RADIL: variants seen among roughly 807,000 people sequenced by gnomAD.
RADIL encodes ras-associating and dilute domain-containing protein.
RADIL carries 99 observed loss-of-function variants against 97.6 expected under a neutral mutation model. The ratio of observed to expected loss-of-function variants is 1.01; its 90% CI spans 0.86 to 1.20. The LOEUF is 1.20. RADIL is among the 50% of genes most tolerant of loss of function. The probability of loss-of-function intolerance (pLI) is 0.00; values close to 1 mark genes in which losing one functional copy is unlikely to be tolerated. For synonymous variants in RADIL, 803 were observed against 691.8 expected (o/e 1.16, Z -2.52); for missense variants, 1,765 against 1,498.9 (o/e 1.18, Z -2.93).
rs564807781 is a variant in RADIL, at chr7:4,818,160, C to A, written c.1616-809G>T. Among the ~76,000 whole-genome samples, 1 of 152,340 alleles carries A rather than the reference C, an allele frequency of 6.6e-6. No homozygotes were observed. Among genetic ancestry groups the A allele is most frequent in the South Asian group, 2.1e-4 (1 of 4,832 alleles). On this transcript the variant is annotated intron_variant, in intron 6 of 14. Transcript: ENST00000399583. The surrounding 1 kb of genome is among the most constrained non-coding windows in gnomAD (Gnocchi z 7.1). ...CCTCCTCTCCCTCCTGTGGGGCCTT[C>A]TTCCAGGAGGGGCAGAGGGGCCGCA...
rs1371312133 is a variant in RADIL at position 4,816,281 on chromosome 7, G to T, written c.1913C>A (p.Ala638Asp). The part of the protein sequence containing the change: ...VHPEVASQML[A>D]YLFFFSGTLL... ...TGTCCCGGAGAAGAAGAAGAGGTAG[G>T]CGAGCATCTGCGAGGCCACCTCGGG... The change falls in exon 8 of 15, where the codon GCC becomes GAC. Residue 638 changes from alanine (A) to aspartate (D), a missense_variant. By Grantham distance (126) the Ala-to-Asp change is moderately radical. Transcript: ENST00000399583. 1.9e-6 allele frequency: 3 copies of T among 1,612,686 alleles called. No individual in the cohort carries two copies. The highest frequency in any genetic ancestry group is 2.5e-6 in the Non-Finnish European group (3 of 1,179,910).
In RADIL at chr7:4,867,209, C is replaced by T. The variant is rs558656651; in HGVS notation, c.535+10396G>A. On this transcript the variant is annotated intron_variant, in intron 2 of 14. Transcript: ENST00000399583. This position sits in a 1 kb window ranked among gnomAD's most constrained non-coding sequence, Gnocchi z 4.1. ...AGGTGTTGAGGGGCACACAGGCACA[C>T]GAGGCTTCTGAGGAAGCTGCTGTCC... Among the ~76,000 whole-genome samples the T allele has an allele frequency of 3.9e-5, 6 of 152,238 alleles. No individual in the cohort carries two copies. Among genetic ancestry groups the T allele is most frequent in the Non-Finnish European group, 8.8e-5 (6 of 68,032 alleles).
At chr7:4,803,961 T>A (rs1222476197) in intron 10 of RADIL, 1 of 664,334 alleles carries the variant, frequency 1.5e-6, no homozygotes, top group Admixed American at 2.1e-5. Flanking sequence ...GACCACCCGG[T>A]GTGACATCCG....
chr7:4,832,501 G>A (rs1300224113), intron 4 of RADIL, among the ~76,000 whole-genome samples: 1 of 152,152 alleles, frequency 6.6e-6, no homozygotes, highest in African/African-American at 2.4e-5. Flanking sequence ...CACTTTGGGA[G>A]GCTGAGGCAG....
Position 4,825,883 on chromosome 7 carries a change from GAAAAAAAAAA to G in RADIL, c.1455-3339_1455-3330del, listed in dbSNP as rs540147941. On this transcript the variant is annotated intron_variant, in intron 5 of 14. Transcript: ENST00000399583. Reference sequence around the variant, plus strand: ...GGCTACAGAGCGAGACTCCGTCTCAGAAAAAAAAAAAAAAAAAAAAAAAAAGGGAAATGAA... The same window carrying G: ...GGCTACAGAGCGAGACTCCGTCTCAGAAAAAAAAAAAAAAAGGGAAATGAA... Among the ~76,000 whole-genome samples the G allele has an allele frequency of 2.2e-3, 110 of 51,032 alleles. 1 individual carries two copies. Among genetic ancestry groups the G allele is most frequent in the Admixed American group, 6.6e-3 (25 of 3,784 alleles). 33.5% of individuals were successfully genotyped at this position (51,032 alleles called of 152,430 possible).
chr7:4,879,677 A>G lies in RADIL; in HGVS notation c.-64-1474T>C, dbSNP rs1784445489. ...CGGGCGCTGCAAAAGGCTTCTGGAA[A>G]GGACGGTGGCTGCCTAGGGCCACAG... On this transcript the variant is annotated intron_variant, in intron 1 of 14. Coordinates refer to ENST00000399583, the MANE Select transcript of RADIL (RefSeq NM_018059.5). The surrounding 1 kb of genome is among the most constrained non-coding windows in gnomAD (Gnocchi z 4.1). Among the ~76,000 whole-genome samples, 4 of 152,196 alleles carry G rather than the reference A, an allele frequency of 2.6e-5. No individual in the cohort carries two copies.
In RADIL at chr7:4,798,237, G is replaced by A. The variant is rs1403585565; in HGVS notation, c.*1141C>T. On this transcript the variant is annotated 3_prime_UTR_variant, in exon 15 of 15. Coordinates refer to ENST00000399583, the MANE Select transcript of RADIL (RefSeq NM_018059.5). ...GGAGCCGCACACAGAACTGCGGGTC[G>A]GCAGAGGGCGCGGGGCGGACGCGCT... The A allele has an allele frequency of 1.3e-5, 2 of 151,984 alleles. No individual in the cohort carries two copies. The highest frequency in any genetic ancestry group is 2.9e-5 in the Non-Finnish European group (2 of 68,000). 9.4% of individuals were successfully genotyped at this position (151,984 alleles called of 1,614,324 possible).
chr7:4,877,609 C>T lies in RADIL; in HGVS notation c.531G>A (p.Thr177=), dbSNP rs370273724. ...TGAACCTGTGGCCCCCCTCACCTGCCGTGATGGTGTCCACCTCCTTGGCTG... is the reference window on the plus strand; with the variant it reads ...TGAACCTGTGGCCCCCCTCACCTGCTGTGATGGTGTCCACCTCCTTGGCTG... ...ELAAKEVDTI[T]AGINAQARRL... The change falls in exon 2 of 15, where the codon ACG becomes ACA. Residue 177 remains threonine, a synonymous_variant. Coordinates refer to ENST00000399583, the MANE Select transcript of RADIL (RefSeq NM_018059.5). The T allele has an allele frequency of 4.0e-5, 63 of 1,593,998 alleles. 1 individual carries two copies. The highest frequency in any genetic ancestry group is 3.1e-4 in the South Asian group (27 of 86,628).
rs13245083 is a variant in RADIL at position 4,802,946 on chromosome 7, G to A, written c.2499+600C>T. Among the ~76,000 whole-genome samples the A allele has an allele frequency of 2.8e-4, 25 of 89,562 alleles. 1 individual carries two copies. The highest frequency in any genetic ancestry group is 3.0e-4 in the Admixed American group (3 of 10,086). The allele number at this position is 89,562 out of a possible 152,430, so 58.8% of individuals were successfully genotyped here. A position where few individuals can be genotyped will look rare whatever the true frequency, so the allele number is the denominator to read the frequency against. ...GCTGGGTCCCCTCCCCGGGCACCTC[G>A]GGGCACGCTGGCTGGGGGGCCCCCT... On this transcript the variant is annotated intron_variant, in intron 11 of 14. Coordinates refer to ENST00000399583, the MANE Select transcript of RADIL (RefSeq NM_018059.5).
rs570088629 is a variant in RADIL at position 4,810,641 on chromosome 7, G to A, written c.2139+4637C>T. ...AAGCGGGCCGTGGCGAGGGACCCACGGAAGCATCTCCGTCGGGGAAATTGC... is the reference window on the plus strand; with the variant it reads ...AAGCGGGCCGTGGCGAGGGACCCACAGAAGCATCTCCGTCGGGGAAATTGC... On this transcript the variant is annotated intron_variant, in intron 9 of 14. Transcript: ENST00000399583. 8.5e-5 allele frequency among the ~76,000 whole-genome samples: 13 copies of A among 152,340 alleles called. No homozygotes were observed. The East Asian group carries it at 2.1e-3, about 25-fold the overall frequency.
chr7:4,851,256 T>A (rs1783702941), intron 2 of RADIL, among the ~76,000 whole-genome samples: 1 of 148,760 alleles, frequency 6.7e-6, no homozygotes, highest in Non-Finnish European at 1.5e-5. Context: ...GGCCAGGAAA[T>A]GGGGTGCTAC....
At chr7:4,881,734 A>C (rs1784492121) in intron 1 of RADIL, among the ~76,000 whole-genome samples, 1 of 152,090 alleles carries the variant, frequency 6.6e-6, no homozygotes, top group Non-Finnish European at 1.5e-5. Flanking sequence ...CTCAAAAAAA[A>C]AAAAAAAGAC....
rs536105113 is a variant in RADIL at position 4,827,398 on chromosome 7, G to A, written c.1454+4743C>T. ...AAAAGGGCCGGGTGCGGTGGCTCAC[G>A]CCTGTAATCCCAGCACTTTGGGAGG... On this transcript the variant is annotated intron_variant, in intron 5 of 14. Transcript: ENST00000399583. Among the ~76,000 whole-genome samples, 65 of 150,886 alleles carry A rather than the reference G, an allele frequency of 4.3e-4. No individual in the cohort carries two copies. In the South Asian group the frequency reaches 9.0e-3, roughly 21 times the overall value.
intron 4 of RADIL, among the ~76,000 whole-genome samples, chr7:4,833,139 G>A (rs928108628): frequency 2.6e-5 from 4 of 152,180 alleles, no homozygotes; most frequent in Non-Finnish European, 5.9e-5. Context: ...GCCCCAGGTG[G>A]CTGGGACACA....
intron 2 of RADIL, chr7:4,861,001 T>C (rs1783976428): frequency 2.5e-6 from 4 of 1,614,240 alleles, no homozygotes; most frequent in Non-Finnish European, 1.7e-6. Flanking sequence ...AGAATTTCCG[T>C]ACAAGAGTTG....
At position 4,834,981 on chromosome 7, in the gene RADIL, C is replaced by T. The variant is rs751132465; in HGVS notation, c.1042G>A (p.Gly348Arg). The T allele has an allele frequency of 1.2e-6, 2 of 1,610,954 alleles. No individual in the cohort carries two copies. Among genetic ancestry groups the T allele is most frequent in the Admixed American group, 1.7e-5 (1 of 59,860 alleles). ...VLHHGDLLSL[G>R]LYYLLLFKDP... ...TTGAATAGCAGCAGGTAGTAGAGCC[C>T]CAGGGAGAGCAGGTCCCCGTGGTGC... Residue 348 changes from glycine (G) to arginine (R), a missense_variant, in exon 4 of 15, where the codon GGG (glycine) becomes AGG (arginine). By Grantham distance (125) the Gly-to-Arg change is moderately radical. Coordinates refer to ENST00000399583, the MANE Select transcript of RADIL (RefSeq NM_018059.5). The surrounding 1 kb of genome is among the most constrained non-coding windows in gnomAD (Gnocchi z 6.0).
rs780957471 is a variant in RADIL at position 4,834,937 on chromosome 7, C to A, written c.1086G>T (p.Gln362His). Residue 362 changes from glutamine (Q) to histidine (H), a missense_variant, in exon 4 of 15, where the codon CAG (glutamine) becomes CAT (histidine). Transcript: ENST00000399583. The surrounding 1 kb of genome is among the most constrained non-coding windows in gnomAD (Gnocchi z 6.0). ...GCGCCAAGGCCCGGGCGGGCAGGGG[C>A]TGGGCCTGCGCGGGGTCCTTGAATA... ...LLLFKDPAQA[Q>H]PLPARALARL... The A allele has an allele frequency of 5.0e-6, 8 of 1,595,016 alleles. No individual in the cohort carries two copies. The highest frequency in any genetic ancestry group is 6.8e-6 in the Non-Finnish European group (8 of 1,171,418).
intron 2 of RADIL, among the ~76,000 whole-genome samples, chr7:4,850,829 G>A (rs370873105): frequency 2.8e-4 from 43 of 152,292 alleles, no homozygotes; most frequent in African/African-American, 7.0e-4. Flanking sequence ...CAGCTCTCCC[G>A]TGCCCAGACT....
chr7:4,829,272 G>A (rs1359813850), intron 5 of RADIL, among the ~76,000 whole-genome samples: 1 of 152,204 alleles, frequency 6.6e-6, no homozygotes, highest in Non-Finnish European at 1.5e-5. Flanking sequence ...GGGAGGCAGA[G>A]CCTGGGTCCC....
Sources: allele counts gnomAD v4.1 joint callset (sites outside exome capture counted in the v4.1 genomes callset), GRCh38; gene constraint gnomAD v4.1.1; non-coding constraint Gnocchi (gnomAD v3.1); transcripts MANE v1.5; gene names NCBI Gene and HGNC (gene_info 2026-07-23, HGNC 2026-07-21).